Variants in LRRIQ1 observed in about 807,000 individuals in gnomAD.
LRRIQ1 encodes leucine-rich repeat- and IQ domain-containing protein 1.
In LRRIQ1, 210 loss-of-function variants were observed where a neutral mutation model predicts 211.9. That is an observed-to-expected ratio of 0.99 (90% confidence interval 0.89 to 1.11). The LOEUF (loss-of-function observed/expected upper bound fraction) is 1.11. LRRIQ1 is among the 50% of genes most tolerant of loss of function. The pLI is 0.00. For synonymous variants in LRRIQ1, 699 were observed against 650.1 expected (o/e 1.08, Z -1.14); for missense variants, 2,136 against 1,939.5 (o/e 1.10, Z -1.90).
At chr12:85,244,080 T>C (rs973271553) in intron 26 of LRRIQ1, among the ~76,000 whole-genome samples, 3 of 151,668 alleles carry the variant, frequency 2.0e-5, no homozygotes, top group South Asian at 2.1e-4. Context: ...TGTATCTTTA[T>C]GTAATGATAT....
At chr12:85,138,456 G>A (rs1287336100) in intron 19 of LRRIQ1, among the ~76,000 whole-genome samples, 1 of 151,450 alleles carries the variant, frequency 6.6e-6, no homozygotes, top group African/African-American at 2.4e-5. Flanking sequence ...CTCTGAATTT[G>A]TGTTTGTTAC....
chr12:85,040,760 G>A (rs757253267), intron 3 of LRRIQ1, among the ~76,000 whole-genome samples, 159 bp downstream of exon 3: 2 of 151,130 alleles, frequency 1.3e-5, no homozygotes, highest in Non-Finnish European at 3.0e-5. Flanking sequence ...TGGACTGTTG[G>A]GTTTAGTTCA....
intron 24 of LRRIQ1, among the ~76,000 whole-genome samples, chr12:85,190,321 G>A (rs1443134876): frequency 7.9e-6 from 1 of 127,040 alleles, no homozygotes; most frequent in Non-Finnish European, 1.6e-5. Context: ...TAACTATACA[G>A]TTAAAAACTA....
intron 15 of LRRIQ1, 34 bp downstream of exon 15, chr12:85,106,649 A>C: frequency 2.2e-6 from 3 of 1,372,506 alleles, no homozygotes; most frequent in South Asian, 1.2e-5. Flanking sequence ...ATGTATATCC[A>C]TTATTATAGT....
At chr12:85,118,781 A>T (rs542496641) in intron 15 of LRRIQ1, among the ~76,000 whole-genome samples, 5 of 152,100 alleles carry the variant, frequency 3.3e-5, no homozygotes, top group Non-Finnish European at 7.4e-5. Context: ...TATTTCTTAA[A>T]TCTTAACATT....
At chr12:85,221,211 C>A (rs1021412410) in intron 24 of LRRIQ1, among the ~76,000 whole-genome samples, 3 of 152,058 alleles carry the variant, frequency 2.0e-5, no homozygotes, top group Non-Finnish European at 4.4e-5. Context: ...TTAAATTAAT[C>A]ATGTTTAGAC....
chr12:85,182,119 T>C (rs188212465), intron 24 of LRRIQ1, among the ~76,000 whole-genome samples: 196 of 152,204 alleles, frequency 1.3e-3, no homozygotes, highest in Middle Eastern at 3.4e-3. Context: ...TTCTTAACTA[T>C]TTGAACATGT....
At chr12:85,043,109 G>A (rs561587627) in intron 3 of LRRIQ1, among the ~76,000 whole-genome samples, 1 of 152,130 alleles carries the variant, frequency 6.6e-6, no homozygotes, top group East Asian at 1.9e-4. Context: ...TGGGCAGTAA[G>A]GTTTTTTGTT....
At position 85,198,056 on chromosome 12, in the gene LRRIQ1, A is replaced by ATAT. The variant is rs1565898753; in HGVS notation, c.4823-31460_4823-31458dup. On this transcript the variant is annotated intron_variant, in intron 24 of 26. Transcript: ENST00000393217. ...AACATATATAATATATTATATAATT[A>ATAT]TATATAACATATTATTTATATATAA... Among the ~76,000 whole-genome samples the ATAT allele has an allele frequency of 1.2e-3, 53 of 43,054 alleles. No individual in the cohort carries two copies. In the African/African-American group the frequency reaches 0.017, roughly 14 times the overall value. 28.2% of individuals were successfully genotyped at this position (43,054 alleles called of 152,430 possible). A position where few individuals can be genotyped will look rare whatever the true frequency, so the allele number is the denominator to read the frequency against.
chr12:85,090,758 A>G (rs1410459231), intron 11 of LRRIQ1, among the ~76,000 whole-genome samples: 1 of 152,150 alleles, frequency 6.6e-6, no homozygotes, highest in Non-Finnish European at 1.5e-5. Flanking sequence ...CTCAGATGAG[A>G]CTTTGGACTT....
chr12:85,128,944 C>A (rs1304588166), intron 18 of LRRIQ1, among the ~76,000 whole-genome samples: 4 of 152,230 alleles, frequency 2.6e-5, no homozygotes, highest in East Asian at 3.9e-4. Context: ...TTGACTGGGG[C>A]CTTAGATCTC....
chr12:85,090,256 A>G (rs1021867632), intron 11 of LRRIQ1, among the ~76,000 whole-genome samples: 1 of 152,210 alleles, frequency 6.6e-6, no homozygotes, highest in Non-Finnish European at 1.5e-5. Flanking sequence ...CAGAGCCCTC[A>G]TAGAGAACCT....
At chr12:85,097,984 G>A (rs926727812) in intron 11 of LRRIQ1, among the ~76,000 whole-genome samples, 1 of 152,072 alleles carries the variant, frequency 6.6e-6, no homozygotes, top group Admixed American at 6.6e-5. Flanking sequence ...CCTGAAGCAA[G>A]GATTCAAAGT....
intron 24 of LRRIQ1, among the ~76,000 whole-genome samples, chr12:85,214,685 A>G (rs926084621): frequency 5.9e-5 from 9 of 152,148 alleles, no homozygotes; most frequent in Admixed American, 3.3e-4. Context: ...TTAGTTATCT[A>G]TATTAAAATA....
intron 24 of LRRIQ1, among the ~76,000 whole-genome samples, chr12:85,170,084 G>A (rs372976384): frequency 5.3e-5 from 8 of 152,016 alleles, no homozygotes; most frequent in Admixed American, 2.6e-4. Context: ...CTTTTAAAAC[G>A]TTTATATCTG....
intron 24 of LRRIQ1, among the ~76,000 whole-genome samples, chr12:85,180,856 TTGTG>T: frequency 6.6e-6 from 1 of 151,116 alleles, no homozygotes; most frequent in African/African-American, 2.4e-5. Context: ...TATGGTGTGT[TTGTG>T]TGTGTGTGTG....
chr12:85,198,377 A>G (rs1489548036), intron 24 of LRRIQ1, among the ~76,000 whole-genome samples: 2 of 151,250 alleles, frequency 1.3e-5, no homozygotes, highest in African/African-American at 4.9e-5. Flanking sequence ...TATTTCATAA[A>G]TTGCTAAACG....
rs73379773 is a variant in LRRIQ1, at chr12:85,081,300, G to A, written c.2887+8202G>A. 1.4e-3 allele frequency among the ~76,000 whole-genome samples: 218 copies of A among 152,148 alleles called. 2 individuals carry two copies. The highest frequency in any genetic ancestry group is 5.2e-3 in the African/African-American group (216 of 41,526). On this transcript the variant is annotated intron_variant, in intron 11 of 26. Transcript: ENST00000393217. ...CCATTTTAATCCTTTAATGTCTTGA[G>A]CAGATATGTTTATATAATTTTCAGT...
At chr12:85,150,749 G>GTC (rs1004972815) in intron 19 of LRRIQ1, among the ~76,000 whole-genome samples, 2 of 150,252 alleles carry the variant, frequency 1.3e-5, no homozygotes, top group East Asian at 2.0e-4. Flanking sequence ...AGAGAGCTTT[G>GTC]TCTCTCTCTG....
Sources: allele counts gnomAD v4.1 joint callset (sites outside exome capture counted in the v4.1 genomes callset), GRCh38; gene constraint gnomAD v4.1.1; transcripts MANE v1.5; gene names NCBI Gene and HGNC (gene_info 2026-07-23, HGNC 2026-07-21).